CFI: variants seen among roughly 807,000 people sequenced by gnomAD.
The protein encoded by CFI is C3B/C4B inactivator.
In CFI, 66 loss-of-function variants were observed where a neutral mutation model predicts 78.8. That is an observed-to-expected ratio of 0.84 (90% confidence interval 0.69 to 1.03). The LOEUF is 1.03. Ranked by LOEUF, CFI falls within the 50% of genes least tolerant of loss-of-function variation. CFI has a pLI of 0.00. For missense variants in CFI, 706 were observed against 704.5 expected, an observed-to-expected ratio of 1.00 and a Z score of -0.02; for synonymous variants, 250 against 232.6, an observed-to-expected ratio of 1.07 and a Z score of -0.68.
At chr4:109,797,077 T>C (rs1174713059) in intron 1 of CFI, among the ~76,000 whole-genome samples, 16 of 152,340 alleles carry the variant, frequency 1.1e-4, no homozygotes, top group African/African-American at 3.8e-4. Flanking sequence ...AATATAATTC[T>C]AAAATTTACA....
intron 1 of CFI, 72 bp from the exon 2 acceptor site, chr4:109,766,896 G>A: frequency 6.7e-7 from 1 of 1,502,596 alleles, no homozygotes; most frequent in East Asian, 2.3e-5. Flanking sequence ...GTAAGTGAAG[G>A]AAAAGAGCAA....
intron 1 of CFI, among the ~76,000 whole-genome samples, chr4:109,779,085 C>A (rs565109121): frequency 1.3e-5 from 2 of 152,094 alleles, no homozygotes; most frequent in Admixed American, 6.6e-5. Context: ...GACAGGGATG[C>A]CCTCTCTCAC....
intron 1 of CFI, among the ~76,000 whole-genome samples, chr4:109,784,351 T>C (rs1197770507): frequency 1.3e-5 from 2 of 152,090 alleles, no homozygotes; most frequent in Non-Finnish European, 2.9e-5. Context: ...AGAGTTTAGA[T>C]GTGAAGGGGC....
intron 9 of CFI, 55 bp downstream of exon 9, chr4:109,749,444 C>T: frequency 6.6e-7 from 1 of 1,521,644 alleles, no homozygotes; most frequent in South Asian, 1.1e-5. Flanking sequence ...CCCCTTTCCC[C>T]CCAAATTTAG....
At chr4:109,764,448 G>T in intron 3 of CFI, 89 bp downstream of exon 3, 2 of 1,413,534 alleles carry the variant, frequency 1.4e-6, no homozygotes, top group Non-Finnish European at 2.0e-6. Context: ...TACACATATG[G>T]AAATTAATAC....
chr4:109,800,704 A>G (rs1437892710), intron 1 of CFI, among the ~76,000 whole-genome samples: 2 of 152,136 alleles, frequency 1.3e-5, no homozygotes, highest in African/African-American at 4.8e-5. Flanking sequence ...TTTGATACAT[A>G]CACTGTAAGA....
At chr4:109,759,845 G>C (rs1363872311) in intron 6 of CFI, among the ~76,000 whole-genome samples, 2 of 152,158 alleles carry the variant, frequency 1.3e-5, no homozygotes, top group African/African-American at 4.8e-5. Context: ...AATGAGCCAA[G>C]ATTGTGCCAC....
At chr4:109,792,681 T>C (rs1328675166) in intron 1 of CFI, among the ~76,000 whole-genome samples, 1 of 152,202 alleles carries the variant, frequency 6.6e-6, no homozygotes, top group Non-Finnish European at 1.5e-5. Flanking sequence ...ATAATATTCA[T>C]AATTGTTATA....
chr4:109,792,436 C>T (rs575630246), intron 1 of CFI, among the ~76,000 whole-genome samples: 87 of 152,004 alleles, frequency 5.7e-4, no homozygotes, highest in Non-Finnish European at 1.1e-3. Flanking sequence ...ATTAGCCGGG[C>T]GTGGTGGTGC....
intron 1 of CFI, among the ~76,000 whole-genome samples, chr4:109,787,656 G>A (rs1410959552): frequency 2.0e-5 from 3 of 151,600 alleles, no homozygotes; most frequent in Non-Finnish European, 4.4e-5. Flanking sequence ...AATGTTGTTG[G>A]GAATTGTGGG....
chr4:109,755,339 C>A (rs2126204641), intron 7 of CFI, among the ~76,000 whole-genome samples: 1 of 152,216 alleles, frequency 6.6e-6, no homozygotes, highest in African/African-American at 2.4e-5. Flanking sequence ...ACAGCACTGC[C>A]AAAGAACATA....
chr4:109,749,730 G>A, intron 8 of CFI, 128 bp from the exon 9 acceptor site: 1 of 669,760 alleles, frequency 1.5e-6, no homozygotes, highest in Non-Finnish European at 2.7e-6. Context: ...GGAATCATTA[G>A]TAAATTATTT....
chr4:109,748,769 G>A lies in CFI; in HGVS notation c.1148+449C>T, dbSNP rs150520544. On this transcript the variant is annotated intron_variant, in intron 10 of 12. Transcript: ENST00000394634. The stretch of plus-strand genomic sequence containing the variant: ...GGTCAGATTACATGGGGCCTCATGG[G>A]CCATGTTAAAATTTTTGTTTCAATT... Among the ~76,000 whole-genome samples the A allele has an allele frequency of 2.4e-3, 364 of 152,272 alleles. 1 individual carries two copies. The highest frequency in any genetic ancestry group is 8.5e-3 in the African/African-American group (353 of 41,546).
Position 109,778,917 on chromosome 4 carries a change from C to T in CFI, c.58-12093G>A, listed in dbSNP as rs191417927. Among the ~76,000 whole-genome samples, 634 of 152,086 alleles carry T rather than the reference C, an allele frequency of 4.2e-3. 7 individuals are homozygous for T. The highest frequency in any genetic ancestry group is 0.014 in the African/African-American group (596 of 41,462). On this transcript the variant is annotated intron_variant, in intron 1 of 12. Coordinates refer to ENST00000394634, the MANE Select transcript of CFI (RefSeq NM_000204.5). ...TCTCAATAGATGCAGAAAAGGCCTT[C>T]GACAAAATTCAACAGCCCTTCATGA...
Position 109,766,793 on chromosome 4 carries a change from T to C in CFI, c.89A>G (p.Glu30Gly). 1 of 1,614,132 alleles carries C rather than the reference T, an allele frequency of 6.2e-7. No homozygotes were observed. Among genetic ancestry groups the C allele is most frequent in the Non-Finnish European group, 8.5e-7 (1 of 1,180,022 alleles). The change falls in exon 2 of 13, where the codon GAG (glutamate) becomes GGG (glycine). Residue 30 changes from glutamate to glycine, a missense_variant. Coordinates refer to ENST00000394634, the MANE Select transcript of CFI (RefSeq NM_000204.5). The part of the protein sequence containing the change: ...VTYTSQEDLV[E>G]KKCLAKKYTH... ...ATATTTTTTTGCTAAGCACTTTTTC[T>C]CCACCAGATCCTCTTGAGATGTATA...
downstream of CFI, among the ~76,000 whole-genome samples, chr4:109,740,244 T>C (rs971778940): frequency 6.6e-6 from 1 of 151,650 alleles, no homozygotes; most frequent in Admixed American, 6.6e-5. Flanking sequence ...TGAGCTATGA[T>C]GGCACTTCTG....
At chr4:109,774,087 T>C (rs573221989) in intron 1 of CFI, among the ~76,000 whole-genome samples, 3 of 152,208 alleles carry the variant, frequency 2.0e-5, no homozygotes, top group Non-Finnish European at 4.4e-5. Context: ...AAATCTTTAC[T>C]AATATTTAAA....
chr4:109,779,331 C>T (rs574494316), intron 1 of CFI, among the ~76,000 whole-genome samples: 38 of 152,276 alleles, frequency 2.5e-4, no homozygotes, highest in African/African-American at 8.7e-4. Flanking sequence ...CATTCCTATA[C>T]ACCAAGAACA....
In CFI at chr4:109,749,482, T is replaced by C. The variant is rs184656900; in HGVS notation, c.1044+17A>G. 4.7e-4 allele frequency: 759 copies of C among 1,602,614 alleles called. No individual in the cohort carries two copies. Among genetic ancestry groups the C allele is most frequent in the Non-Finnish European group, 6.1e-4 (710 of 1,169,474 alleles). On this transcript the variant is annotated intron_variant, in intron 9 of 12. Transcript: ENST00000394634. Reference sequence around the variant, plus strand: ...TGTTTCTGGGCAGTTGCATTGTGACTTTTCATGCGACTTTACCAGTTGTGC... The same window carrying C: ...TGTTTCTGGGCAGTTGCATTGTGACCTTTCATGCGACTTTACCAGTTGTGC...
Sources: allele counts gnomAD v4.1 joint callset (sites outside exome capture counted in the v4.1 genomes callset), GRCh38; gene constraint gnomAD v4.1.1; transcripts MANE v1.5; gene names NCBI Gene and HGNC (gene_info 2026-07-23, HGNC 2026-07-21).